C10orf90: variants seen among roughly 807,000 people sequenced by gnomAD.
C10orf90 encodes (E2-independent) E3 ubiquitin-conjugating enzyme FATS.
Under a neutral mutation model 62.5 loss-of-function variants are expected in C10orf90, and 56 were observed. That is an observed-to-expected ratio of 0.90 (90% CI 0.72 to 1.12). The LOEUF (loss-of-function observed/expected upper bound fraction) is 1.12, where lower values mean the gene tolerates loss of function less well. C10orf90 is among the 50% of genes most tolerant of loss of function. The pLI is 0.00. For missense variants in C10orf90, 970 were observed against 880.4 expected (o/e 1.10, Z -1.29); for synonymous variants, 386 against 340.4 (o/e 1.13, Z -1.47).
At chr10:126,626,709 A>T (rs943515834) in intron 2 of C10orf90, among the ~76,000 whole-genome samples, 2 of 152,264 alleles carry the variant, frequency 1.3e-5, no homozygotes, top group Non-Finnish European at 2.9e-5. Context: ...AATCACAGGG[A>T]TCGATACAGT....
chr10:126,444,458 C>G (rs1232705621), intron 7 of C10orf90, among the ~76,000 whole-genome samples: 1 of 151,924 alleles, frequency 6.6e-6, no homozygotes, highest in East Asian at 1.9e-4. Context: ...AGTAATATAC[C>G]TAACAAACGA....
chr10:126,581,174 G>A (rs7895337), intron 2 of C10orf90, among the ~76,000 whole-genome samples: 88,755 of 151,996 alleles, frequency 0.58, 26,186 homozygotes, highest in Middle Eastern at 0.66. Flanking sequence ...TCATTCCTCC[G>A]TCTCATGTAG....
At chr10:126,613,864 G>A (rs941050002) in intron 2 of C10orf90, among the ~76,000 whole-genome samples, 2 of 152,158 alleles carry the variant, frequency 1.3e-5, no homozygotes, top group African/African-American at 4.8e-5. Flanking sequence ...CAGAAACTGC[G>A]ATAATCTGGA....
In C10orf90 at chr10:126,504,413, A is replaced by G. The variant is rs569578935; in HGVS notation, c.1078T>C (p.Ser360Pro). 205 of 1,614,182 alleles carry G rather than the reference A, an allele frequency of 1.3e-4. No individual in the cohort carries two copies. In the South Asian group the frequency reaches 2.1e-3, roughly 17 times the overall value. Residue 360 changes from serine to proline, a missense_variant, in exon 4 of 10, where the codon TCA becomes CCA. By Grantham distance (74) the Ser-to-Pro change is moderately conservative. Transcript: ENST00000488181. The surrounding 1 kb of genome is among the most constrained non-coding windows in gnomAD (Gnocchi z 4.1). ...HLRVSQQCPD[S>P]IYYVDKSLSV... ...AGAGACTTGTCTACGTAATAGATTG[A>G]ATCTGGACACTGCTGAGACACCCTG...
intron 2 of C10orf90, among the ~76,000 whole-genome samples, chr10:126,518,701 G>T (rs529922729): frequency 6.6e-6 from 1 of 152,302 alleles, no homozygotes; most frequent in South Asian, 2.1e-4. Flanking sequence ...GGGAGTGTGT[G>T]TGCTCACTAG....
At chr10:126,496,717 A>G (rs1177002460) in intron 4 of C10orf90, 5 of 985,090 alleles carry the variant, frequency 5.1e-6, no homozygotes, top group Non-Finnish European at 6.0e-6. Flanking sequence ...GGTTTTGAAT[A>G]TGGGGATGGG....
rs537876667 is a variant in C10orf90, at chr10:126,597,115, A to G, written c.313+49450T>C. ...ATATTGCTGTTGGGAATGTGAAGTA[A>G]TACAGTTCACTTTGGAATACTGTTT... On this transcript the variant is annotated intron_variant, in intron 2 of 9. Transcript: ENST00000488181. Among the ~76,000 whole-genome samples the G allele has an allele frequency of 5.4e-4, 82 of 152,370 alleles. 3 individuals are homozygous for G. Among genetic ancestry groups the G allele is most frequent in the African/African-American group, 1.7e-3 (72 of 41,594 alleles).
At chr10:126,583,157 G>A (rs1019478880) in intron 2 of C10orf90, among the ~76,000 whole-genome samples, 16 of 152,136 alleles carry the variant, frequency 1.1e-4, no homozygotes, top group Admixed American at 3.3e-4. Context: ...AAACCACCCC[G>A]TCAATAAACA....
intron 4 of C10orf90, among the ~76,000 whole-genome samples, chr10:126,478,849 G>A (rs537288959): frequency 1.3e-5 from 2 of 152,270 alleles, no homozygotes; most frequent in South Asian, 4.1e-4. Context: ...AGGATATGGA[G>A]CTGCCTGCAG....
intron 2 of C10orf90, among the ~76,000 whole-genome samples, chr10:126,518,571 A>C (rs1863566909): frequency 6.6e-6 from 1 of 152,122 alleles, no homozygotes; most frequent in African/African-American, 2.4e-5. Flanking sequence ...AAACATCATG[A>C]GAGCCAGCAT....
chr10:126,560,882 T>C (rs10901634), intron 2 of C10orf90, among the ~76,000 whole-genome samples: 41,089 of 152,170 alleles, frequency 0.27, 5,994 homozygotes, highest in East Asian at 0.38. Context: ...CATAAAAGAT[T>C]ATGCTTCTTT....
intron 2 of C10orf90, among the ~76,000 whole-genome samples, chr10:126,628,280 G>A (rs1320385730): frequency 6.6e-6 from 1 of 152,188 alleles, no homozygotes; most frequent in African/African-American, 2.4e-5. Flanking sequence ...AATTTAAAAT[G>A]CCAAGGCCTA....
intron 4 of C10orf90, 131 bp downstream of exon 4, chr10:126,503,826 G>A: frequency 8.9e-7 from 1 of 1,129,562 alleles, no homozygotes. Context: ...TCAACTATGA[G>A]CAGAGCAGAT....
chr10:126,548,276 C>T (rs1035717963), intron 2 of C10orf90, among the ~76,000 whole-genome samples: 1 of 152,158 alleles, frequency 6.6e-6, no homozygotes, highest in Non-Finnish European at 1.5e-5. Context: ...GGCACAGTGG[C>T]TCGTGCCTGT....
intron 7 of C10orf90, among the ~76,000 whole-genome samples, chr10:126,450,077 C>A (rs1278460431): frequency 1.3e-5 from 2 of 150,850 alleles, no homozygotes; most frequent in African/African-American, 2.4e-5. Flanking sequence ...ATCCCATTTA[C>A]ACTGACATCA....
chr10:126,595,249 A>G (rs1376613629), intron 2 of C10orf90, among the ~76,000 whole-genome samples: 1 of 152,140 alleles, frequency 6.6e-6, no homozygotes, highest in African/African-American at 2.4e-5. Context: ...GTCAGGTCAC[A>G]TTTCAGAAAG....
At chr10:126,560,029 C>T (rs1864865646) in intron 2 of C10orf90, among the ~76,000 whole-genome samples, 1 of 152,158 alleles carries the variant, frequency 6.6e-6, no homozygotes, top group Non-Finnish European at 1.5e-5. Context: ...CTCATAAGAG[C>T]CAGCTTATGT....
chr10:126,670,011 T>G (rs1228598302), intron 1 of C10orf90, among the ~76,000 whole-genome samples: 1 of 152,202 alleles, frequency 6.6e-6, no homozygotes, highest in Non-Finnish European at 1.5e-5. Context: ...TGCAGACATG[T>G]GTCATCGTAA....
chr10:126,461,459 C>A lies in C10orf90; in HGVS notation c.1952G>T (p.Gly651Val). 1 of 1,614,168 alleles carries A rather than the reference C, an allele frequency of 6.2e-7. No individual in the cohort carries two copies. The highest frequency in any genetic ancestry group is 8.5e-7 in the Non-Finnish European group (1 of 1,180,026). ...PAPRDGAGSPGLSEDCSESQQ... is the reference protein window; with the variant it reads ...PAPRDGAGSPVLSEDCSESQQ... ...AGACTCAGAACAGTCTTCGGACAGG[C>A]CAGGGCTCCCTGCTCCATCGCGGGG... Residue 651 changes from glycine (G) to valine (V), a missense_variant, in exon 6 of 10, where the codon GGC (glycine) becomes GTC (valine). Transcript: ENST00000488181.
Sources: gnomAD v4.1 joint callset for allele counts (sites outside exome capture counted in the v4.1 genomes callset) on GRCh38, gnomAD v4.1.1 for gene constraint, Gnocchi (gnomAD v3.1) non-coding constraint, MANE v1.5 for transcripts, NCBI Gene and HGNC (gene_info 2026-07-23, HGNC 2026-07-21) for gene names.